Variants in GRAMD1B observed in about 807,000 individuals in gnomAD.
GRAMD1B encodes GRAM domain containing 1B.
A neutral mutation model predicts 99.7 loss-of-function variants in GRAMD1B; 37 were observed. That is an observed-to-expected ratio of 0.37 (90% CI 0.29 to 0.49). The LOEUF is 0.49. Among genes scored for constraint, GRAMD1B ranks in the 20% least tolerant of loss-of-function variants. The pLI is 0.98. For synonymous variants in GRAMD1B, 427 were observed against 387.6 expected, an observed-to-expected ratio of 1.10 and a Z score of -1.19; for missense variants, 888 against 1,009.2, an observed-to-expected ratio of 0.88 and a Z score of 1.63.
At chr11:123,618,668 T>G (rs373670460) in intron 17 of GRAMD1B, 25 bp from the exon 18 acceptor site, 1 of 1,331,178 alleles carries the variant, frequency 7.5e-7, no homozygotes, top group Non-Finnish European at 1.1e-6. Context: ...CTGCTGATGT[T>G]TTTTTCCCCA....
intron 2 of GRAMD1B, among the ~76,000 whole-genome samples, chr11:123,512,573 CA>C (rs1464139299): frequency 4.6e-5 from 7 of 151,992 alleles, no homozygotes; most frequent in Non-Finnish European, 8.8e-5. Flanking sequence ...AAAAATTAGC[CA>C]GGGGTGGTGG....
intron 2 of GRAMD1B, among the ~76,000 whole-genome samples, chr11:123,560,071 C>A (rs1020253878): frequency 1.3e-5 from 2 of 150,498 alleles, no homozygotes; most frequent in Admixed American, 6.6e-5. Context: ...AATAACCCCC[C>A]CCCCCGCAGC....
intron 2 of GRAMD1B, among the ~76,000 whole-genome samples, chr11:123,550,855 C>T (rs1945538504): frequency 6.6e-6 from 1 of 152,152 alleles, no homozygotes; most frequent in Non-Finnish European, 1.5e-5. Flanking sequence ...CTAGAAATTC[C>T]AGGGTGGTAC....
chr11:123,363,106 G>T (rs1946200715), intron 1 of GRAMD1B, among the ~76,000 whole-genome samples: 1 of 152,072 alleles, frequency 6.6e-6, no homozygotes, highest in Non-Finnish European at 1.5e-5. Flanking sequence ...CTTGCTTTCA[G>T]GTTTTTTCTC....
At position 123,606,712 on chromosome 11, in the gene GRAMD1B, C is replaced by T; in HGVS notation, c.1427C>T (p.Ala476Val). ...ATGGGGGAGAAGATTGAGATGATCG[C>T]TCCTGTGAACTCCCCTTCACTGGAC... is the stretch of plus-strand genomic sequence containing the variant. ...NIMGEKIEMIAPVNSPSLDFN... is the reference protein window; with the variant it reads ...NIMGEKIEMIVPVNSPSLDFN... The change falls in exon 11 of 20, where the codon GCT (alanine) becomes GTT (valine). Residue 476 changes from alanine (A) to valine (V), a missense_variant. Coordinates refer to ENST00000635736, the MANE Select transcript of GRAMD1B (RefSeq NM_001387025.1). 6.2e-7 allele frequency: 1 copy of T among 1,613,530 alleles called. No individual in the cohort carries two copies.
At chr11:123,506,080 G>A (rs991842457) in intron 2 of GRAMD1B, among the ~76,000 whole-genome samples, 12 of 152,192 alleles carry the variant, frequency 7.9e-5, no homozygotes, top group Admixed American at 2.6e-4. Flanking sequence ...ATAGGCTTAG[G>A]ACAGGCAGAG....
At position 123,625,973 on chromosome 11, in the gene GRAMD1B, A is replaced by AGAGAGAGAGAGAGAGAGC. The variant is rs34697633; in HGVS notation, c.*3386_*3387insGAGAGAGAGCGAGAGAGA. On this transcript the variant is annotated 3_prime_UTR_variant, in exon 20 of 20. Coordinates refer to ENST00000635736, the MANE Select transcript of GRAMD1B (RefSeq NM_001387025.1). ...GAGAGAGAGAGAGAGAGAGAGAGAG[A>AGAGAGAGAGAGAGAGAGC]GAGAGAGATCGAGCTTGATGTATTG... 5.7e-5 allele frequency: 8 copies of AGAGAGAGAGAGAGAGAGC among 139,748 alleles called. No homozygotes were observed. Among genetic ancestry groups the AGAGAGAGAGAGAGAGAGC allele is most frequent in the Non-Finnish European group, 9.4e-5 (6 of 63,912 alleles). 8.7% of individuals were successfully genotyped at this position (139,748 alleles called of 1,614,324 possible). A position where few individuals can be genotyped will look rare whatever the true frequency, so the allele number is the denominator to read the frequency against.
At chr11:123,450,279 C>T (rs1445285777) in intron 1 of GRAMD1B, among the ~76,000 whole-genome samples, 1 of 152,184 alleles carries the variant, frequency 6.6e-6, no homozygotes, top group African/African-American at 2.4e-5. Flanking sequence ...TAATGCAATA[C>T]TTTTTCTCGT....
At chr11:123,565,772 A>C (rs916472328) in intron 2 of GRAMD1B, among the ~76,000 whole-genome samples, 1 of 152,176 alleles carries the variant, frequency 6.6e-6, no homozygotes, top group Admixed American at 6.5e-5. Context: ...ACTACAGACT[A>C]TTGTAGATCA....
rs771961391 is a variant in GRAMD1B, at chr11:123,510,992, T to C, written c.452+30099T>C. Among the ~76,000 whole-genome samples the C allele has an allele frequency of 1.1e-4, 16 of 152,170 alleles. No individual in the cohort carries two copies. Among genetic ancestry groups the C allele is most frequent in the Non-Finnish European group, 2.1e-4 (14 of 68,024 alleles). On this transcript the variant is annotated intron_variant, in intron 2 of 19. Coordinates refer to ENST00000635736, the MANE Select transcript of GRAMD1B (RefSeq NM_001387025.1). This position sits in a 1 kb window ranked among gnomAD's most constrained non-coding sequence, Gnocchi z 4.3. ...TGTAGCTTTCATCTGCACTCACTTA[T>C]ATGTCCGTTGTTTTCTTTAGCCTTG... is the stretch of plus-strand genomic sequence containing the variant.
At chr11:123,402,078 C>A (rs1247142913) in intron 1 of GRAMD1B, among the ~76,000 whole-genome samples, 2 of 152,182 alleles carry the variant, frequency 1.3e-5, no homozygotes, top group Non-Finnish European at 2.9e-5. Flanking sequence ...TACAAGGGTG[C>A]AATCTTGGCT....
chr11:123,429,509 C>T (rs1324802836), upstream of GRAMD1B, among the ~76,000 whole-genome samples: 1 of 152,142 alleles, frequency 6.6e-6, no homozygotes, highest in Admixed American at 6.5e-5. This position sits in a 1 kb window ranked among gnomAD's most constrained non-coding sequence, Gnocchi z 4.0. Flanking sequence ...AGAACTGAAT[C>T]AGCCCTCAGC....
intron 2 of GRAMD1B, among the ~76,000 whole-genome samples, chr11:123,517,656 G>A (rs1941802522): frequency 3.3e-5 from 5 of 152,150 alleles, no homozygotes; most frequent in Admixed American, 3.3e-4. Flanking sequence ...CGGGGGTGGT[G>A]TCAGTCCCTG....
chr11:123,420,935 G>A (rs1416552960), intron 1 of GRAMD1B, among the ~76,000 whole-genome samples: 2 of 152,204 alleles, frequency 1.3e-5, no homozygotes, highest in East Asian at 3.8e-4. Context: ...AGGTGAATCT[G>A]AAAATTTTCA....
chr11:123,505,314 G>A (rs954297625), intron 2 of GRAMD1B, among the ~76,000 whole-genome samples: 3 of 151,974 alleles, frequency 2.0e-5, no homozygotes, highest in East Asian at 1.9e-4. Flanking sequence ...TTATAGACGC[G>A]AGCCATCATG....
At chr11:123,428,708 C>T (rs1948740291), upstream of GRAMD1B, among the ~76,000 whole-genome samples, 1 of 152,194 alleles carries the variant, frequency 6.6e-6, no homozygotes, top group African/African-American at 2.4e-5. Flanking sequence ...GCAGTGAATT[C>T]TTGTGATCTT....
rs1955355328 is a variant in GRAMD1B, at chr11:123,623,968, G to A, written c.*1373G>A. The A allele has an allele frequency of 6.6e-6, 1 of 152,176 alleles. No homozygotes were observed. The highest frequency in any genetic ancestry group is 2.4e-5 in the African/African-American group (1 of 41,430). The allele number at this position is 152,176 out of a possible 1,614,324, so 9.4% of individuals were successfully genotyped here. A position where few individuals can be genotyped will look rare whatever the true frequency, so the allele number is the denominator to read the frequency against. On this transcript the variant is annotated 3_prime_UTR_variant, in exon 20 of 20. Transcript: ENST00000635736. ...TAGCTTCAAAGAGTGAGACATTCAG[G>A]GCCTTTTCAGCATTGGCCCACTAGC...
At chr11:123,573,596 T>G (rs1232450703) in intron 2 of GRAMD1B, among the ~76,000 whole-genome samples, 2 of 152,208 alleles carry the variant, frequency 1.3e-5, no homozygotes, top group Non-Finnish European at 2.9e-5. Flanking sequence ...CATCCATCTG[T>G]GTGACTTTGG....
At chr11:123,495,505 CATTTTTTCT>C (rs1472032356) in intron 2 of GRAMD1B, among the ~76,000 whole-genome samples, 2 of 152,036 alleles carry the variant, frequency 1.3e-5, no homozygotes, top group Non-Finnish European at 1.5e-5. Flanking sequence ...TACTAGGTCG[CATTTTTTCT>C]ATTTTTTCTG....
Sources: gnomAD v4.1 joint callset for allele counts (sites outside exome capture counted in the v4.1 genomes callset) on GRCh38, gnomAD v4.1.1 for gene constraint, Gnocchi (gnomAD v3.1) non-coding constraint, MANE v1.5 for transcripts, NCBI Gene and HGNC (gene_info 2026-07-23, HGNC 2026-07-21) for gene names.